The following CHD7 variants were observed in gnomAD, a reference collection of about 807,000 sequenced individuals.
The protein encoded by CHD7 is chromodomain helicase DNA binding protein 7, also known as ATP-dependent chromatin remodeler CHD7.
In CHD7, 24 loss-of-function variants were observed where a neutral mutation model predicts 307.3. That is an observed-to-expected ratio of 0.08 (90% CI 0.06 to 0.11). The LOEUF (loss-of-function observed/expected upper bound fraction) is 0.11, where lower values mean the gene tolerates loss of function less well. Among genes scored for constraint, CHD7 ranks in the 10% least tolerant of loss-of-function variants. The pLI is 1.00. For missense variants in CHD7, 3,106 were observed against 3,727.1 expected (o/e 0.83, Z 4.34); for synonymous variants, 1,363 against 1,349.9 (o/e 1.01, Z -0.21).
At chr8:60,682,225 G>A (rs1256852053) in intron 1 of CHD7, among the ~76,000 whole-genome samples, 2 of 152,128 alleles carry the variant, frequency 1.3e-5, no homozygotes, top group African/African-American at 2.4e-5. Flanking sequence ...TCAACTTACA[G>A]GAACATTTCC....
intron 28 of CHD7, 33 bp downstream of exon 28, chr8:60,851,352 A>G (rs191638596): frequency 3.2e-5 from 48 of 1,495,850 alleles, no homozygotes; most frequent in Middle Eastern, 3.4e-4. Flanking sequence ...GTAGCCGAGC[A>G]GACGTGCACT....
intron 29 of CHD7, 85 bp downstream of exon 29, chr8:60,852,332 A>G: frequency 1.5e-6 from 2 of 1,373,822 alleles, no homozygotes; most frequent in Non-Finnish European, 2.0e-6. Flanking sequence ...CAGGACTCAT[A>G]TCAAAGGTAG....
intron 1 of CHD7, among the ~76,000 whole-genome samples, chr8:60,707,957 T>A (rs1267578334): frequency 6.6e-6 from 1 of 152,110 alleles, no homozygotes. Context: ...AGACCTCAAG[T>A]GTTTATTGTA....
At position 60,836,011 on chromosome 8, in the gene CHD7, G is replaced by A. The variant is rs983678264; in HGVS notation, c.3779-62G>A. 84 of 1,238,292 alleles carry A rather than the reference G, an allele frequency of 6.8e-5. No homozygotes were observed. The African/African-American group carries it at 1.0e-3, about 15-fold the overall frequency. 76.7% of individuals were successfully genotyped at this position (1,238,292 alleles called of 1,614,324 possible). ...TTTGCAATGGGTTTTGAAAGCAAGT[G>A]CATTGTTTTTAGTAATAAAAACCTT... On this transcript the variant is annotated intron_variant, in intron 15 of 37. Coordinates refer to ENST00000423902, the MANE Select transcript of CHD7 (RefSeq NM_017780.4).
chr8:60,710,110 T>C (rs747140900), intron 1 of CHD7, among the ~76,000 whole-genome samples: 1 of 152,142 alleles, frequency 6.6e-6, no homozygotes, highest in African/African-American at 2.4e-5. Context: ...AGATGAAATG[T>C]TCTCTTCTGT....
At position 60,741,405 on chromosome 8, in the gene CHD7, G is replaced by T. The variant is rs1313819311; in HGVS notation, c.-28G>T. The stretch of plus-strand genomic sequence containing the variant: ...AGCACAGGCAAGCTCCTGAGCTGTG[G>T]TTTGGAGGAGCCGTGTGTTGGAAGA... On this transcript the variant is annotated 5_prime_UTR_variant, in exon 2 of 38. Transcript: ENST00000423902. The T allele has an allele frequency of 1.9e-6, 3 of 1,547,188 alleles. No homozygotes were observed. The highest frequency in any genetic ancestry group is 1.2e-5 in the South Asian group (1 of 83,634).
At chr8:60,789,238 G>T (rs920693018) in intron 3 of CHD7, among the ~76,000 whole-genome samples, 12 of 152,144 alleles carry the variant, frequency 7.9e-5, no homozygotes, top group African/African-American at 2.9e-4. Context: ...CATTCTGTGT[G>T]GCATCCCATG....
rs1489068947 is a variant in CHD7, at chr8:60,867,840, GTGAA to G, written c.*1910_*1913del. The G allele has an allele frequency of 6.6e-6, 1 of 152,128 alleles. No homozygotes were observed. The highest frequency in any genetic ancestry group is 1.9e-4 in the East Asian group (1 of 5,206). The allele number at this position is 152,128 out of a possible 1,614,324, so 9.4% of individuals were successfully genotyped here. Reference sequence around the variant, plus strand: ...TTATCATCGTCGTTGTCTGCTGAAAGTGAATGGGCCGTGCACACTGGAGGAAAGT... The same window carrying G: ...TTATCATCGTCGTTGTCTGCTGAAAGTGGGCCGTGCACACTGGAGGAAAGT... On this transcript the variant is annotated 3_prime_UTR_variant, in exon 38 of 38. Transcript: ENST00000423902.
chr8:60,856,648 A>G lies in CHD7; in HGVS notation c.7368A>G (p.Ser2456=). The change falls in exon 34 of 38, where the codon TCA becomes TCG. Residue 2456 remains serine, a synonymous_variant. Transcript: ENST00000423902. The part of the protein sequence containing the change: ...KASREATSST[S]NFSSLSSKFI... ...CAAGAGAGGCAACAAGCTCTACCTC[A>G]AATTTTTCATCTCTTTCTTCAAAGT... 1 of 1,614,060 alleles carries G rather than the reference A, an allele frequency of 6.2e-7. No individual in the cohort carries two copies. The highest frequency in any genetic ancestry group is 8.5e-7 in the Non-Finnish European group (1 of 1,179,896).
intron 21 of CHD7, among the ~76,000 whole-genome samples, chr8:60,844,047 T>TAGA (rs1429188998): frequency 3.3e-5 from 5 of 152,330 alleles, no homozygotes; most frequent in Admixed American, 3.3e-4. Context: ...AGCACTGCCT[T>TAGA]GGTGGCTCAG....
intron 1 of CHD7, among the ~76,000 whole-genome samples, chr8:60,680,319 G>T (rs187025166): frequency 0.05 from 7,393 of 146,828 alleles, 281 homozygotes; most frequent in Non-Finnish European, 0.073. Context: ...CGCTGGGGGC[G>T]CGGGGCTCGG....
At chr8:60,800,561 T>G (rs1280178435) in intron 5 of CHD7, 36 bp downstream of exon 5, 1 of 1,141,812 alleles carries the variant, frequency 8.8e-7, no homozygotes, top group Non-Finnish European at 1.1e-6. Flanking sequence ...TGGATGCATT[T>G]TAAAGATGGA....
chr8:60,737,662 T>C (rs1006000223), intron 1 of CHD7, among the ~76,000 whole-genome samples: 2 of 152,186 alleles, frequency 1.3e-5, no homozygotes, highest in African/African-American at 4.8e-5. Flanking sequence ...TCTCAGAAAA[T>C]GCTGGCCAAT....
chr8:60,786,159 C>T (rs1016219357), intron 3 of CHD7, among the ~76,000 whole-genome samples: 2 of 152,196 alleles, frequency 1.3e-5, no homozygotes, highest in African/African-American at 2.4e-5. Flanking sequence ...TTTTAAATCC[C>T]GAATCCTTCT....
chr8:60,781,651 A>G lies in CHD7; in HGVS notation c.2096+221A>G, dbSNP rs926180164. Among the ~76,000 whole-genome samples, 16 of 152,248 alleles carry G rather than the reference A, an allele frequency of 1.1e-4. 1 individual carries two copies. The highest frequency in any genetic ancestry group is 2.1e-4 in the Non-Finnish European group (14 of 68,050). On this transcript the variant is annotated intron_variant, in intron 3 of 37. Coordinates refer to ENST00000423902, the MANE Select transcript of CHD7 (RefSeq NM_017780.4). ...TGTTGATTTACAGACCTTACTGGATACAAATTAAAAATCAATTTTTTATAT... is the reference window on the plus strand; with the variant it reads ...TGTTGATTTACAGACCTTACTGGATGCAAATTAAAAATCAATTTTTTATAT...
intron 21 of CHD7, 22 bp from the exon 22 acceptor site, chr8:60,844,842 A>C (rs1461881876): frequency 1.9e-6 from 3 of 1,561,850 alleles, no homozygotes; most frequent in Non-Finnish European, 2.6e-6. Context: ...GCACCTCTGC[A>C]TGCTGGATAT....
chr8:60,680,455 T>C (rs1222993650), intron 1 of CHD7, among the ~76,000 whole-genome samples: 3 of 135,680 alleles, frequency 2.2e-5, no homozygotes, highest in South Asian at 2.5e-4. Context: ...GTGGGGGCGC[T>C]GGTCGGGAGG....
rs1416709395 is a variant in CHD7 at position 60,741,541 on chromosome 8, A to G, written c.109A>G (p.Met37Val). The change falls in exon 2 of 38, where the codon ATG becomes GTG. Residue 37 changes from methionine (M) to valine (V), a missense_variant. Met to Val is a conservative substitution (Grantham distance 21, BLOSUM62 1). Coordinates refer to ENST00000423902, the MANE Select transcript of CHD7 (RefSeq NM_017780.4). ...CGYPENPVNP[M>V]GQQMPIDQGF... ...TTACCCGGAAAATCCAGTAAATCCT[A>G]TGGGTCAGCAAATGCCAATAGACCA... 42 of 1,613,460 alleles carry G rather than the reference A, an allele frequency of 2.6e-5. No homozygotes were observed. The highest frequency in any genetic ancestry group is 3.4e-5 in the Non-Finnish European group (40 of 1,179,634).
intron 8 of CHD7, among the ~76,000 whole-genome samples, chr8:60,818,985 CCT>C (rs1288674253): frequency 6.6e-6 from 1 of 152,084 alleles, no homozygotes; most frequent in African/African-American, 2.4e-5. Context: ...GGAGTGTCGC[CCT>C]CTGTCACCTG....
Sources: allele counts gnomAD v4.1 joint callset (sites outside exome capture counted in the v4.1 genomes callset), GRCh38; gene constraint gnomAD v4.1.1; transcripts MANE v1.5; gene names NCBI Gene and HGNC (gene_info 2026-07-23, HGNC 2026-07-21).